The following BAG3 variants were observed in gnomAD, a reference collection of about 807,000 sequenced individuals.
BAG3 encodes BAG family molecular chaperone regulator 3.
A neutral mutation model predicts 40.5 loss-of-function variants in BAG3; 14 were observed. The observed-to-expected ratio is 0.35, with a 90% CI of 0.23 to 0.54. The LOEUF (loss-of-function observed/expected upper bound fraction) is 0.54. Ranked by LOEUF, BAG3 falls within the 20% of genes least tolerant of loss-of-function variation. BAG3 has a pLI of 0.91. For missense variants in BAG3, 788 were observed against 758.6 expected (o/e 1.04, Z -0.46); for synonymous variants, 302 against 307.8 (o/e 0.98, Z 0.20).
Position 119,674,590 on chromosome 10 carries a change from T to C in BAG3, c.910-1874T>C, listed in dbSNP as rs190338521. Among the ~76,000 whole-genome samples the C allele has an allele frequency of 9.8e-5, 15 of 152,344 alleles. No homozygotes were observed. In the East Asian group the frequency reaches 2.7e-3, roughly 27 times the overall value. ...AGCTGGGAATAGTTTAGAAATAATA[T>C]AGTCCAGTTATTTCCCAGTTGATGA... On this transcript the variant is annotated intron_variant, in intron 3 of 3. Coordinates refer to ENST00000369085, the MANE Select transcript of BAG3 (RefSeq NM_004281.4).
chr10:119,658,751 C>T (rs927904263), intron 1 of BAG3, among the ~76,000 whole-genome samples: 9 of 152,174 alleles, frequency 5.9e-5, no homozygotes, highest in Admixed American at 5.9e-4. Context: ...ACTTACCCTT[C>T]TTGAGCCTCA....
chr10:119,658,141 AT>A (rs1003059158), intron 1 of BAG3, among the ~76,000 whole-genome samples: 13 of 152,196 alleles, frequency 8.5e-5, no homozygotes, highest in African/African-American at 1.4e-4. Flanking sequence ...AGAATTATAT[AT>A]TTTTTTCAGT....
chr10:119,661,467 G>T lies in BAG3; in HGVS notation c.181-8384G>T, dbSNP rs1486020154. On this transcript the variant is annotated intron_variant, in intron 1 of 3. Transcript: ENST00000369085. The stretch of plus-strand genomic sequence containing the variant: ...ACACAGCTGGTGAGCATCAAGGAGG[G>T]ACTGGAACCCAGGGTGGCACCTTGA... Among the ~76,000 whole-genome samples, 4 of 152,094 alleles carry T rather than the reference G, an allele frequency of 2.6e-5. No homozygotes were observed. The East Asian group carries it at 5.8e-4, about 22-fold the overall frequency.
intron 1 of BAG3, among the ~76,000 whole-genome samples, chr10:119,653,125 A>G (rs1361710295): frequency 2.6e-5 from 4 of 152,254 alleles, no homozygotes; most frequent in Admixed American, 1.3e-4. Flanking sequence ...TGTTTTAACA[A>G]TATTGATAAA....
At chr10:119,659,004 G>T (rs1430597667) in intron 1 of BAG3, among the ~76,000 whole-genome samples, 1 of 152,138 alleles carries the variant, frequency 6.6e-6, no homozygotes, top group East Asian at 1.9e-4. Flanking sequence ...GAGGCCTGGG[G>T]TCTTGTTTCT....
chr10:119,665,961 G>C (rs2134060844), intron 1 of BAG3, among the ~76,000 whole-genome samples: 1 of 152,302 alleles, frequency 6.6e-6, no homozygotes, highest in East Asian at 1.9e-4. Flanking sequence ...TGTTGGAGAA[G>C]CAGCCAGGCC....
At chr10:119,656,820 G>A (rs1291747805) in intron 1 of BAG3, 2 of 152,036 alleles carry the variant, frequency 1.3e-5, no homozygotes, top group Admixed American at 6.6e-5. Context: ...AGATATGAGT[G>A]GGTGCTTTTG....
Position 119,676,841 on chromosome 10 carries a change from G to A in BAG3, c.1287G>A (p.Leu429=). The A allele has an allele frequency of 6.2e-7, 1 of 1,614,174 alleles. No homozygotes were observed. The highest frequency in any genetic ancestry group is 8.5e-7 in the Non-Finnish European group (1 of 1,180,018). ...GAGTGCTGAAAGTGGAAGCCATCCT[G>A]GAGAAGGTACAGGGGCTGGAGCAGG... ...HPGVLKVEAI[L]EKVQGLEQAV... is the part of the protein sequence containing the mutation. Residue 429 remains leucine, a synonymous_variant, in exon 4 of 4, where the codon CTG becomes CTA. Transcript: ENST00000369085.
intron 1 of BAG3, among the ~76,000 whole-genome samples, chr10:119,665,502 C>G (rs1347569301): frequency 6.6e-6 from 1 of 151,966 alleles, no homozygotes; most frequent in East Asian, 1.9e-4. Flanking sequence ...TGGTCTTGAA[C>G]TCCTGACCTC....
In BAG3 at chr10:119,677,117, G is replaced by A. The variant is rs1045652182; in HGVS notation, c.1563G>A (p.Leu521=). The change falls in exon 4 of 4, where the codon CTG becomes CTA. Residue 521 remains leucine (L), a synonymous_variant. Transcript: ENST00000369085. ...QPSNLEADQP[L]QAIMEMGAVA... ...GCAACCTTGAAGCAGATCAGCCACT[G>A]CAGGCAATCATGGAGATGGGTGCCG... The A allele has an allele frequency of 6.8e-6, 11 of 1,614,070 alleles. No individual in the cohort carries two copies. In the African/African-American group the frequency reaches 1.2e-4, roughly 18 times the overall value.
chr10:119,677,353 G>GAAGTTAGGATAATATAAATAGTTAAATTA lies in BAG3; in HGVS notation c.*72_*73insAGTTAGGATAATATAAATAGTTAAATTAA, dbSNP rs1430392809. On this transcript the variant is annotated 3_prime_UTR_variant, in exon 4 of 4. Transcript: ENST00000369085. ...GGAATTTTAAGTTGCATGCATTTCA[G>GAAGTTAGGATAATATAAATAGTTAAATTA]AGACTTTAAGTCAGTTGGTTTTTAT... The GAAGTTAGGATAATATAAATAGTTAAATTA allele has an allele frequency of 9.4e-6, 15 of 1,589,814 alleles. No individual in the cohort carries two copies. In the African/African-American group the frequency reaches 2.0e-4, roughly 21 times the overall value.
chr10:119,653,720 T>C (rs901631165), intron 1 of BAG3, among the ~76,000 whole-genome samples: 1 of 152,212 alleles, frequency 6.6e-6, no homozygotes, highest in Admixed American at 6.5e-5. Flanking sequence ...TATGTTAGGC[T>C]TCTTTATTTT....
chr10:119,676,476 C>T lies in BAG3; in HGVS notation c.922C>T (p.His308Tyr). 6.2e-7 allele frequency: 1 copy of T among 1,614,038 alleles called. No individual in the cohort carries two copies. Among genetic ancestry groups the T allele is most frequent in the Non-Finnish European group, 8.5e-7 (1 of 1,180,016 alleles). The change falls in exon 4 of 4, where the codon CAT becomes TAT. Residue 308 changes from histidine to tyrosine, a missense_variant. Transcript: ENST00000369085. ...VVDRPQQPMT[H>Y]RETAPVSQPE... ...GTCCTTTTTTCAGCAGCCCATGACC[C>T]ATCGAGAAACTGCACCTGTTTCCCA...
chr10:119,675,822 T>TGCCCCC (rs1564775971), intron 3 of BAG3, among the ~76,000 whole-genome samples: 13 of 33,764 alleles, frequency 3.9e-4, no homozygotes, highest in South Asian at 1.4e-3. Context: ...CCCTGCTTCC[T>TGCCCCC]TCCCCCTTCC....
chr10:119,671,799 CTTTG>C (rs550653314), intron 2 of BAG3, among the ~76,000 whole-genome samples: 81 of 151,982 alleles, frequency 5.3e-4, no homozygotes, highest in African/African-American at 1.9e-3. Context: ...TTTTGTTTTG[CTTTG>C]TTTGAGGTGG....
chr10:119,674,623 G>T (rs1847194056), intron 3 of BAG3, among the ~76,000 whole-genome samples: 1 of 152,162 alleles, frequency 6.6e-6, no homozygotes, highest in African/African-American at 2.4e-5. Flanking sequence ...TGAAATTAGG[G>T]TGAGATTTTA....
At chr10:119,655,612 AT>A (rs1846899646) in intron 1 of BAG3, among the ~76,000 whole-genome samples, 1 of 152,184 alleles carries the variant, frequency 6.6e-6, no homozygotes, top group Admixed American at 6.5e-5. Context: ...CAATCAGGAA[AT>A]GAGTGGCCGT....
Position 119,677,132 on chromosome 10 carries a change from G to C in BAG3, c.1578G>C (p.Glu526Asp). 1 of 1,614,176 alleles carries C rather than the reference G, an allele frequency of 6.2e-7. No homozygotes were observed. The highest frequency in any genetic ancestry group is 8.5e-7 in the Non-Finnish European group (1 of 1,180,046). Residue 526 changes from glutamate to aspartate, a missense_variant, in exon 4 of 4, where the codon GAG (glutamate) becomes GAC (aspartate). Physicochemically the swap from Glu to Asp is conservative, Grantham distance 45 (BLOSUM62 2). Transcript: ENST00000369085. ...EADQPLQAIM[E>D]MGAVAADKGK... ...ATCAGCCACTGCAGGCAATCATGGAGATGGGTGCCGTGGCAGCAGACAAGG... is the reference window on the plus strand; with the variant it reads ...ATCAGCCACTGCAGGCAATCATGGACATGGGTGCCGTGGCAGCAGACAAGG...
At chr10:119,662,349 G>C (rs1229719188) in intron 1 of BAG3, among the ~76,000 whole-genome samples, 2 of 151,116 alleles carry the variant, frequency 1.3e-5, no homozygotes, top group East Asian at 1.9e-4. Flanking sequence ...GATTACAGGT[G>C]TAAGCCACCA....
Sources: gnomAD v4.1 joint callset for allele counts (sites outside exome capture counted in the v4.1 genomes callset) on GRCh38, gnomAD v4.1.1 for gene constraint, MANE v1.5 for transcripts, NCBI Gene and HGNC (gene_info 2026-07-23, HGNC 2026-07-21) for gene names.